The following KIF6 variants were observed in gnomAD, a reference collection of about 807,000 sequenced individuals.
The protein encoded by KIF6 is kinesin-like protein KIF6.
In KIF6, 106 loss-of-function variants were observed where a neutral mutation model predicts 112.7. That is an observed-to-expected ratio of 0.94 (90% CI 0.80 to 1.11). KIF6 has a LOEUF of 1.11. Among genes scored for constraint, KIF6 ranks in the 50% least tolerant of loss-of-function variants. KIF6 has a pLI of 0.00. For missense variants in KIF6, 929 were observed against 964.0 expected, an observed-to-expected ratio of 0.96 and a Z score of 0.48; for synonymous variants, 339 against 339.9, an observed-to-expected ratio of 1.00 and a Z score of 0.03.
At position 39,343,615 on chromosome 6, in the gene KIF6, G is replaced by C; in HGVS notation, c.2428+94C>G. The C allele has an allele frequency of 8.5e-7, 1 of 1,174,116 alleles. No individual in the cohort carries two copies. The highest frequency in any genetic ancestry group is 2.5e-5 in the East Asian group (1 of 40,232). 72.7% of individuals were successfully genotyped at this position (1,174,116 alleles called of 1,614,324 possible). On this transcript the variant is annotated intron_variant, in intron 22 of 22. Transcript: ENST00000287152. The surrounding 1 kb of genome is among the most constrained non-coding windows in gnomAD (Gnocchi z 4.1). ...GTCCTGTGGCTTCAGGAATATGCAG[G>C]AAACTCCCTACTCCCCTCCCACCTC...
In KIF6 at chr6:39,337,167, C is replaced by CTTT. The variant is rs1562102418; in HGVS notation, c.2429-620_2429-619insAAA. 1.2e-3 allele frequency among the ~76,000 whole-genome samples: 79 copies of CTTT among 64,214 alleles called. 7 individuals carry two copies. Among genetic ancestry groups the CTTT allele is most frequent in the African/African-American group, 8.5e-3 (48 of 5,638 alleles). 42.1% of individuals were successfully genotyped at this position (64,214 alleles called of 152,430 possible). On this transcript the variant is annotated intron_variant, in intron 22 of 22. Coordinates refer to ENST00000287152, the MANE Select transcript of KIF6 (RefSeq NM_145027.6). Reference sequence around the variant, plus strand: ...TCCTTTCTCTTTCTTTTCTTTCTTTCCTTCCTTCTTTCTTTCTTTCTTTCT... The same window carrying CTTT: ...TCCTTTCTCTTTCTTTTCTTTCTTTCTTTCTTCCTTCTTTCTTTCTTTCTTTCT...
chr6:39,699,457 C>T (rs1224061996), intron 3 of KIF6, among the ~76,000 whole-genome samples: 2 of 152,082 alleles, frequency 1.3e-5, no homozygotes, highest in Admixed American at 1.3e-4. Flanking sequence ...ATGTTAAAAG[C>T]TGAAGCAGAG....
chr6:39,679,760 T>C (rs1014511011), intron 3 of KIF6, among the ~76,000 whole-genome samples: 1 of 149,468 alleles, frequency 6.7e-6, no homozygotes, highest in Non-Finnish European at 1.5e-5. Context: ...GGACTACAGG[T>C]GCATGCCACC....
intron 3 of KIF6, among the ~76,000 whole-genome samples, chr6:39,668,624 T>C (rs975707797): frequency 4.0e-4 from 61 of 152,290 alleles, no homozygotes; most frequent in African/African-American, 1.4e-3. Flanking sequence ...TCGAGTTTAA[T>C]TGCTACACAT....
At chr6:39,667,969 T>C (rs1786580893) in intron 3 of KIF6, among the ~76,000 whole-genome samples, 1 of 152,174 alleles carries the variant, frequency 6.6e-6, no homozygotes. Context: ...AGTTCTCGCT[T>C]TGAGTTCATG....
chr6:39,449,113 C>T (rs1277066968), intron 13 of KIF6, among the ~76,000 whole-genome samples: 1 of 152,212 alleles, frequency 6.6e-6, no homozygotes, highest in Non-Finnish European at 1.5e-5. Flanking sequence ...AAGTCGTTGC[C>T]ATTTCTTCTC....
At chr6:39,518,306 TACATGAAAGTATGTACACAC>T (rs1465663992) in intron 13 of KIF6, among the ~76,000 whole-genome samples, 3 of 152,164 alleles carry the variant, frequency 2.0e-5, no homozygotes, top group Non-Finnish European at 4.4e-5. Context: ...ATGGTGTGTG[TACATGAAAGTATGTACACAC>T]ACATGCTTGC....
At chr6:39,372,938 A>T (rs1766134788) in intron 16 of KIF6, among the ~76,000 whole-genome samples, 2 of 152,244 alleles carry the variant, frequency 1.3e-5, no homozygotes, top group South Asian at 4.1e-4. Context: ...CTCTGGGGAG[A>T]TGGGAAAGTC....
chr6:39,372,640 T>C (rs1460117081), intron 16 of KIF6, among the ~76,000 whole-genome samples: 1 of 152,210 alleles, frequency 6.6e-6, no homozygotes, highest in Non-Finnish European at 1.5e-5. Context: ...ACCCATGTAC[T>C]GACTATATTT....
intron 6 of KIF6, among the ~76,000 whole-genome samples, chr6:39,600,578 G>A (rs1273477622): frequency 6.6e-6 from 1 of 152,056 alleles, no homozygotes; most frequent in African/African-American, 2.4e-5. Flanking sequence ...CTAGGAGCTC[G>A]CCACCCTCTG....
rs1030293348 is a variant in KIF6, at chr6:39,378,675, G to A, written c.1861+6947C>T. On this transcript the variant is annotated intron_variant, in intron 16 of 22. Coordinates refer to ENST00000287152, the MANE Select transcript of KIF6 (RefSeq NM_145027.6). The surrounding 1 kb of genome is among the most constrained non-coding windows in gnomAD (Gnocchi z 5.0). ...TTCTCATGGCCTGTCCCTCTCACCT[G>A]ACACATTTCACATGCTGCTTGGTAG... 6.6e-6 allele frequency among the ~76,000 whole-genome samples: 1 copy of A among 152,130 alleles called. No individual in the cohort carries two copies. The highest frequency in any genetic ancestry group is 6.5e-5 in the Admixed American group (1 of 15,272).
rs1562107845 is a variant in KIF6, at chr6:39,342,604, T to A, written c.2428+1105A>T. ...AGATCACTGAATCCAGTTTTTTATT[T>A]TTTTTTATTTTTTTTTATTTTTTTT... On this transcript the variant is annotated intron_variant, in intron 22 of 22. Coordinates refer to ENST00000287152, the MANE Select transcript of KIF6 (RefSeq NM_145027.6). This position sits in a 1 kb window ranked among gnomAD's most constrained non-coding sequence, Gnocchi z 4.7. 9.1e-6 allele frequency among the ~76,000 whole-genome samples: 1 copy of A among 110,364 alleles called. No individual in the cohort carries two copies. The highest frequency in any genetic ancestry group is 1.8e-5 in the Non-Finnish European group (1 of 55,996). 72.4% of individuals were successfully genotyped at this position (110,364 alleles called of 152,430 possible).
chr6:39,362,546 G>A, intron 16 of KIF6, 28 bp from the exon 17 acceptor site: 1 of 1,510,244 alleles, frequency 6.6e-7, no homozygotes, highest in Non-Finnish European at 9.2e-7. Context: ...CAATGGGATG[G>A]TGAGAAAGAA....
Position 39,440,017 on chromosome 6 carries a change from C to T in KIF6, c.1646-8856G>A, listed in dbSNP as rs1010361279. Among the ~76,000 whole-genome samples, 6 of 152,280 alleles carry T rather than the reference C, an allele frequency of 3.9e-5. No homozygotes were observed. The South Asian group carries it at 6.2e-4, about 16-fold the overall frequency. On this transcript the variant is annotated intron_variant, in intron 13 of 22. Coordinates refer to ENST00000287152, the MANE Select transcript of KIF6 (RefSeq NM_145027.6). ...TCATGCTGAAAAATGATTTCCTAGT[C>T]GGAGCCAAAAATATATTTTCCTTGG...
chr6:39,401,122 T>C (rs1326488483), intron 15 of KIF6, among the ~76,000 whole-genome samples: 4 of 152,252 alleles, frequency 2.6e-5, no homozygotes, highest in Admixed American at 6.5e-5. Flanking sequence ...AGTATCTGAA[T>C]GGCAAATAGG....
chr6:39,429,734 C>T (rs1258460734), intron 14 of KIF6, among the ~76,000 whole-genome samples: 1 of 152,108 alleles, frequency 6.6e-6, no homozygotes, highest in Non-Finnish European at 1.5e-5. Context: ...CAGTGAAACC[C>T]CGTCTCTACT....
At chr6:39,389,689 C>A (rs531162865) in intron 15 of KIF6, among the ~76,000 whole-genome samples, 1 of 152,298 alleles carries the variant, frequency 6.6e-6, no homozygotes, top group African/African-American at 2.4e-5. Flanking sequence ...TGAAGTTGGA[C>A]TTGAGATGAA....
At chr6:39,592,141 T>A (rs1400550339) in intron 7 of KIF6, among the ~76,000 whole-genome samples, 1 of 149,642 alleles carries the variant, frequency 6.7e-6, no homozygotes, top group Non-Finnish European at 1.5e-5. Context: ...CAAACAAACC[T>A]GACTTTTTTT....
intron 7 of KIF6, among the ~76,000 whole-genome samples, chr6:39,587,619 C>T (rs1174514177): frequency 6.6e-6 from 1 of 152,042 alleles, no homozygotes; most frequent in Non-Finnish European, 1.5e-5. Flanking sequence ...AATTTCACTT[C>T]GAGCTGATGG....
Sources: allele counts gnomAD v4.1 joint callset (sites outside exome capture counted in the v4.1 genomes callset), GRCh38; gene constraint gnomAD v4.1.1; non-coding constraint Gnocchi (gnomAD v3.1); transcripts MANE v1.5; gene names NCBI Gene and HGNC (gene_info 2026-07-23, HGNC 2026-07-21).